Variants in PHLDB1 observed in about 807,000 individuals in gnomAD.
PHLDB1 encodes pleckstrin homology-like domain family B member 1.
In PHLDB1, 65 loss-of-function variants were observed where a neutral mutation model predicts 139.3. The ratio of observed to expected loss-of-function variants is 0.47; its 90% CI spans 0.38 to 0.57. PHLDB1 has a LOEUF of 0.57. Among genes scored for constraint, PHLDB1 ranks in the 20% least tolerant of loss-of-function variants. The pLI, the probability that PHLDB1 is intolerant of heterozygous loss-of-function variation, is 0.00. For missense variants in PHLDB1, 1,624 were observed against 1,839.7 expected, an observed-to-expected ratio of 0.88 and a Z score of 2.14; for synonymous variants, 679 against 734.5, an observed-to-expected ratio of 0.92 and a Z score of 1.22.
In PHLDB1 at chr11:118,610,338, G is replaced by T; in HGVS notation, c.-22+2639G>T. ...CCCCCTCCCCACTCGGGCGTCCCCC[G>T]CTGGGCTCCCCGCCTCAGTTTCCTT... On this transcript the variant is annotated intron_variant, in intron 1 of 22. Coordinates refer to ENST00000600882, the MANE Select transcript of PHLDB1 (RefSeq NM_001144758.3). The surrounding 1 kb of genome is among the most constrained non-coding windows in gnomAD (Gnocchi z 8.7). 1 of 500,314 alleles carries T rather than the reference G, an allele frequency of 2.0e-6. No homozygotes were observed. Among genetic ancestry groups the T allele is most frequent in the Non-Finnish European group, 2.6e-6 (1 of 387,486 alleles). 31.0% of individuals were successfully genotyped at this position (500,314 alleles called of 1,614,324 possible).
Position 118,627,844 on chromosome 11 carries a change from G to T in PHLDB1, c.1021G>T (p.Ala341Ser). 1 of 1,607,454 alleles carries T rather than the reference G, an allele frequency of 6.2e-7. No individual in the cohort carries two copies. The change falls in exon 6 of 23, where the codon GCG becomes TCG. Residue 341 changes from alanine (A) to serine (S), a missense_variant. Ala to Ser is a moderately conservative substitution (Grantham distance 99, BLOSUM62 1). Transcript: ENST00000600882. The part of the protein sequence containing the change: ...LTDSPAATVL[A>S]EARRATESPR... ...AGACAGCCCTGCAGCTACTGTCTTG[G>T]CGGAGGCCCGGAGAGCCACTGAGAG...
At chr11:118,617,547 C>G (rs1402868552) in intron 4 of PHLDB1, among the ~76,000 whole-genome samples, 3 of 152,038 alleles carry the variant, frequency 2.0e-5, no homozygotes, top group Admixed American at 2.0e-4. Flanking sequence ...CTCACTACAA[C>G]CTCCACCTCC....
At position 118,632,445 on chromosome 11, in the gene PHLDB1, C is replaced by A. The variant is rs1944958510; in HGVS notation, c.2379+149C>A. The A allele has an allele frequency of 1.2e-6, 1 of 824,002 alleles. No homozygotes were observed. Among genetic ancestry groups the A allele is most frequent in the African/African-American group, 1.7e-5 (1 of 58,586 alleles). 51.0% of individuals were successfully genotyped at this position (824,002 alleles called of 1,614,324 possible). A position where few individuals can be genotyped will look rare whatever the true frequency, so the allele number is the denominator to read the frequency against. ...TGGCTTTCCAGAGACAGAGTGACTT[C>A]TCCTCCTCTGTGGAAGGAACCAGCT... On this transcript the variant is annotated intron_variant, in intron 9 of 22. Coordinates refer to ENST00000600882, the MANE Select transcript of PHLDB1 (RefSeq NM_001144758.3). The surrounding 1 kb of genome is among the most constrained non-coding windows in gnomAD (Gnocchi z 5.9).
At chr11:118,615,287 T>C (rs1941394650) in intron 3 of PHLDB1, 1 of 149,142 alleles carries the variant, frequency 6.7e-6, no homozygotes, top group South Asian at 2.1e-4. Context: ...TAGCAACCAA[T>C]GTGGCCAAGA....
intron 1 of PHLDB1, among the ~76,000 whole-genome samples, chr11:118,609,667 C>G (rs1314330152): frequency 2.0e-5 from 3 of 152,230 alleles, no homozygotes; most frequent in Non-Finnish European, 2.9e-5. Flanking sequence ...CGTTTCCCGG[C>G]CGCGCAAACA....
Position 118,648,013 on chromosome 11 carries a change from G to C in PHLDB1, c.3591G>C (p.Glu1197Asp). Residue 1197 changes from glutamate (E) to aspartate (D), a missense_variant, in exon 18 of 23, where the codon GAG becomes GAC. Transcript: ENST00000600882. ...REQVERRLQSESARRQQLVEK... is the reference protein window; with the variant it reads ...REQVERRLQSDSARRQQLVEK... ...AGGTAGAACGGAGGCTGCAGAGTGA[G>C]AGTGCCCGGAGGCAGCAGCTGGTCG... 7 of 1,612,362 alleles carry C rather than the reference G, an allele frequency of 4.3e-6. No individual in the cohort carries two copies. Among genetic ancestry groups the C allele is most frequent in the Non-Finnish European group, 5.9e-6 (7 of 1,179,174 alleles).
In PHLDB1 at chr11:118,628,082, C is replaced by T. The variant is rs782764149; in HGVS notation, c.1259C>T (p.Pro420Leu). Residue 420 changes from proline to leucine, a missense_variant, in exon 6 of 23, where the codon CCC becomes CTC. Transcript: ENST00000600882. ...PGSERVLTTS[P>L]SRQLVGRTFS... ...AGTGAGCGGGTGCTAACAACCAGCC[C>T]CTCACGCCAACTGGTGGGCCGAACA... 18 of 1,614,128 alleles carry T rather than the reference C, an allele frequency of 1.1e-5. No individual in the cohort carries two copies. Among genetic ancestry groups the T allele is most frequent in the Non-Finnish European group, 1.4e-5 (17 of 1,180,032 alleles).
At chr11:118,639,100 GC>G (rs1555118010) in intron 11 of PHLDB1, 61 bp from the exon 12 acceptor site, 3 of 1,553,966 alleles carry the variant, frequency 1.9e-6, no homozygotes, top group African/African-American at 2.7e-5. Flanking sequence ...GGAGCACAGG[GC>G]CCCCCTCACA....
chr11:118,639,490 C>T, intron 12 of PHLDB1: 1 of 513,458 alleles, frequency 1.9e-6, no homozygotes, highest in Non-Finnish European at 3.5e-6. Flanking sequence ...TTTTTGGTGG[C>T]TGAATATATG....
Position 118,634,634 on chromosome 11 carries a change from C to T in PHLDB1, c.2380-759C>T, listed in dbSNP as rs546004813. 3.4e-5 allele frequency: 7 copies of T among 204,728 alleles called. No homozygotes were observed. The South Asian group carries it at 3.7e-4, about 11-fold the overall frequency. 12.7% of individuals were successfully genotyped at this position (204,728 alleles called of 1,614,324 possible). ...GCCTGTGTTACCTCATCCCCTGCAC[C>T]TCTGACTGCCGTGTTACCTTCAGCT... On this transcript the variant is annotated intron_variant, in intron 9 of 22. Coordinates refer to ENST00000600882, the MANE Select transcript of PHLDB1 (RefSeq NM_001144758.3).
Position 118,642,242 on chromosome 11 carries a change from T to A in PHLDB1, c.2737-12T>A, listed in dbSNP as rs1946681993. 1 of 1,611,150 alleles carries A rather than the reference T, an allele frequency of 6.2e-7. No individual in the cohort carries two copies. The highest frequency in any genetic ancestry group is 1.3e-5 in the African/African-American group (1 of 74,720). On this transcript the variant is annotated splice_polypyrimidine_tract_variant and intron_variant, in intron 12 of 22. Transcript: ENST00000600882. ...TCCTGTCCCCTTTTCCCCTCCCCAT[T>A]CCCACCTCCAGATGGAGAAGCTGCT...
chr11:118,632,946 C>A lies in PHLDB1; in HGVS notation c.2379+650C>A. ...TTTTCCTTCTGGATTTTTTGAGTTT[C>A]TTCCTCCTGCCCTCAATTTTGAGAA... On this transcript the variant is annotated intron_variant, in intron 9 of 22. Transcript: ENST00000600882. The surrounding 1 kb of genome is among the most constrained non-coding windows in gnomAD (Gnocchi z 5.9). The A allele has an allele frequency of 2.0e-6, 1 of 494,772 alleles. No individual in the cohort carries two copies. Among genetic ancestry groups the A allele is most frequent in the Non-Finnish European group, 2.6e-6 (1 of 382,372 alleles). The allele number at this position is 494,772 out of a possible 1,614,324, so 30.6% of individuals were successfully genotyped here. A position where few individuals can be genotyped will look rare whatever the true frequency, so the allele number is the denominator to read the frequency against.
intron 9 of PHLDB1, chr11:118,634,849 G>A: frequency 7.0e-6 from 2 of 286,556 alleles, no homozygotes; most frequent in East Asian, 1.3e-4. Flanking sequence ...CGCCGCTGCC[G>A]GGCCGGAGTT....
chr11:118,614,716 CT>C, intron 3 of PHLDB1, 34 bp downstream of exon 3: 1 of 1,608,582 alleles, frequency 6.2e-7, no homozygotes, highest in Non-Finnish European at 8.5e-7. Context: ...CTCACCACCC[CT>C]CTATCCTTAT....
At chr11:118,648,148 G>C in intron 18 of PHLDB1, 72 bp downstream of exon 18, 1 of 1,461,734 alleles carries the variant, frequency 6.8e-7, no homozygotes, top group Non-Finnish European at 9.4e-7. Flanking sequence ...GAGATCCCAG[G>C]GTTTCTGTGT....
chr11:118,655,477 G>A (rs1444685319), intron 20 of PHLDB1, 128 bp from the exon 21 acceptor site: 3 of 662,182 alleles, frequency 4.5e-6, no homozygotes, highest in Non-Finnish European at 8.2e-6. Flanking sequence ...TTCTGTTTGG[G>A]GGTCTTGGGA....
chr11:118,614,314 T>C (rs545107606), intron 2 of PHLDB1, among the ~76,000 whole-genome samples: 28 of 133,632 alleles, frequency 2.1e-4, no homozygotes, highest in African/African-American at 7.8e-4. Flanking sequence ...TCTGTTTTAA[T>C]AGACAAAAGG....
intron 20 of PHLDB1, 79 bp from the exon 21 acceptor site, chr11:118,655,526 C>G: frequency 1.1e-6 from 1 of 872,106 alleles, no homozygotes. Context: ...TTTGGAAGCT[C>G]AGGCCATGGA....
chr11:118,616,912 G>A (rs1381123472), intron 4 of PHLDB1, among the ~76,000 whole-genome samples: 1 of 152,134 alleles, frequency 6.6e-6, no homozygotes, highest in Non-Finnish European at 1.5e-5. Context: ...ACACGTGGTG[G>A]CACACGCCTG....
Sources: allele counts gnomAD v4.1 joint callset (sites outside exome capture counted in the v4.1 genomes callset), GRCh38; gene constraint gnomAD v4.1.1; non-coding constraint Gnocchi (gnomAD v3.1); transcripts MANE v1.5; gene names NCBI Gene and HGNC (gene_info 2026-07-23, HGNC 2026-07-21).